MLST8: variants seen among roughly 807,000 people sequenced by gnomAD.
The protein encoded by MLST8 is MTOR associated protein MLST8.
MLST8 carries 20 observed loss-of-function variants against 41.3 expected under a neutral mutation model. The observed-to-expected ratio is 0.48, with a 90% confidence interval of 0.34 to 0.70. The LOEUF (loss-of-function observed/expected upper bound fraction) is 0.70, where lower values mean the gene tolerates loss of function less well. MLST8 is among the 30% of genes least tolerant of loss of function. The probability of loss-of-function intolerance (pLI) is 0.01; values close to 1 mark genes in which losing one functional copy is unlikely to be tolerated. For synonymous variants in MLST8, 243 were observed against 183.0 expected, an observed-to-expected ratio of 1.33 and a Z score of -2.65; for missense variants, 422 against 454.3, an observed-to-expected ratio of 0.93 and a Z score of 0.65.
At chr16:2,208,659 C>T in intron 8 of MLST8, 46 bp downstream of exon 8, 1 of 1,612,278 alleles carries the variant, frequency 6.2e-7, no homozygotes, top group Non-Finnish European at 8.5e-7. Flanking sequence ...CCGGCGCTGG[C>T]CTCCAGAGCC....
chr16:2,208,100 C>A, intron 6 of MLST8, 110 bp from the exon 7 acceptor site: 2 of 1,348,146 alleles, frequency 1.5e-6, no homozygotes, highest in Non-Finnish European at 2.0e-6. Context: ...CTGCCCCTCA[C>A]CCGGGGTCCC....
chr16:2,207,342 C>T lies in MLST8; in HGVS notation c.570C>T (p.Ser190=). ...CCAGCTACATGGCAGCTGTCAATAG[C>T]ACCGTGAGTCCTGGTGGCAGGTGCT... is the stretch of plus-strand genomic sequence containing the variant. ...PDASYMAAVN[S]TGNCYVWNLT... Residue 190 remains serine, a synonymous_variant, in exon 6 of 9, where the codon AGC becomes AGT. Transcript: ENST00000569417. 6.2e-7 allele frequency: 1 copy of T among 1,613,724 alleles called. No homozygotes were observed. Among genetic ancestry groups the T allele is most frequent in the Non-Finnish European group, 8.5e-7 (1 of 1,179,698 alleles).
Position 2,208,479 on chromosome 16 carries a change from C to T in MLST8, c.728C>T (p.Thr243Met), listed in dbSNP as rs755425949. Reference protein sequence around the residue: ...TLLATCSADQTCKIWRTSNFS... With the variant: ...TLLATCSADQMCKIWRTSNFS... ...CTCGCCACCTGCTCGGCTGATCAGACGTGCAAGATCTGGAGGACGTCCAAC... is the reference window on the plus strand; with the variant it reads ...CTCGCCACCTGCTCGGCTGATCAGATGTGCAAGATCTGGAGGACGTCCAAC... The change falls in exon 8 of 9, where the codon ACG (threonine) becomes ATG (methionine). Residue 243 changes from threonine (T) to methionine (M), a missense_variant. By Grantham distance (81) the Thr-to-Met change is moderately conservative. Coordinates refer to ENST00000569417, the MANE Select transcript of MLST8 (RefSeq NM_022372.6). 33 of 1,613,136 alleles carry T rather than the reference C, an allele frequency of 2.0e-5. No individual in the cohort carries two copies. The highest frequency in any genetic ancestry group is 1.3e-4 in the South Asian group (12 of 91,090).
intron 1 of MLST8, chr16:2,205,826 C>A (rs533011343): frequency 2.3e-5 from 27 of 1,180,478 alleles, no homozygotes; most frequent in Non-Finnish European, 2.5e-5. Context: ...GCGCCCCCGC[C>A]GTGTGCGTGG....
At position 2,208,592 on chromosome 16, in the gene MLST8, G is replaced by C. The variant is rs1451606255; in HGVS notation, c.841G>C (p.Asp281His). ...GATGTGGGGCTGCGCCTTCTCGGGG[G>C]ACTCCCAGTACATCGTCACTGGTGA... ...GWMWGCAFSG[D>H]SQYIVTASSD... is the part of the protein sequence containing the mutation. The change falls in exon 8 of 9, where the codon GAC (aspartate) becomes CAC (histidine). Residue 281 changes from aspartate to histidine, a missense_variant. Physicochemically the swap from Asp to His is moderately conservative, Grantham distance 81. Transcript: ENST00000569417. 1 of 1,612,312 alleles carries C rather than the reference G, an allele frequency of 6.2e-7. No individual in the cohort carries two copies. Among genetic ancestry groups the C allele is most frequent in the African/African-American group, 1.3e-5 (1 of 74,898 alleles).
At chr16:2,205,858 C>T in intron 1 of MLST8, 173 bp from the exon 2 acceptor site, 1 of 1,325,772 alleles carries the variant, frequency 7.5e-7, no homozygotes, top group Non-Finnish European at 9.7e-7. Flanking sequence ...AGCACGCGCC[C>T]TGGAGCCCCG....
At chr16:2,205,957 G>C (rs967935671) in intron 1 of MLST8, 74 bp from the exon 2 acceptor site, 41 of 1,457,214 alleles carry the variant, frequency 2.8e-5, no homozygotes, top group Non-Finnish European at 3.5e-5. Flanking sequence ...AGCGCCATTC[G>C]GCAGCGCCTT....
chr16:2,208,379 G>A (rs1444768756), intron 7 of MLST8, 45 bp downstream of exon 7: 32 of 1,605,444 alleles, frequency 2.0e-5, no homozygotes, highest in Non-Finnish European at 2.4e-5. Flanking sequence ...TGCCTGGGCT[G>A]GGGGCTGGAG....
chr16:2,207,291 C>T lies in MLST8; in HGVS notation c.519C>T (p.Ile173=). The T allele has an allele frequency of 6.2e-7, 1 of 1,614,208 alleles. No homozygotes were observed. The highest frequency in any genetic ancestry group is 8.5e-7 in the Non-Finnish European group (1 of 1,180,024). The change falls in exon 6 of 9, where the codon ATC becomes ATT. Residue 173 remains isoleucine (I), a synonymous_variant. Coordinates refer to ENST00000569417, the MANE Select transcript of MLST8 (RefSeq NM_022372.6). ...EQLIPEPEVS[I]TSAHIDPDAS... is the part of the protein sequence containing the mutation. The stretch of plus-strand genomic sequence containing the variant: ...TGATCCCTGAGCCCGAGGTCTCCAT[C>T]ACGTCCGCCCACATCGATCCCGACG...
chr16:2,206,536 A>G lies in MLST8; in HGVS notation c.221A>G (p.Asn74Ser), dbSNP rs754082217. ...HIRMYDLNSN[N>S]PNPIISYDGV... is the part of the protein sequence containing the mutation. ...CGCATGTATGATCTCAACTCCAATA[A>G]CCCTAACCCCATCATCAGCTACGAC... is the stretch of plus-strand genomic sequence containing the variant. Residue 74 changes from asparagine to serine, a missense_variant, in exon 4 of 9, where the codon AAC becomes AGC. Asn to Ser is a conservative substitution (Grantham distance 46, BLOSUM62 1). Transcript: ENST00000569417. The G allele has an allele frequency of 6.2e-7, 1 of 1,613,120 alleles. No individual in the cohort carries two copies. The highest frequency in any genetic ancestry group is 1.1e-5 in the South Asian group (1 of 91,058).
Position 2,209,293 on chromosome 16 carries a change from C to A in MLST8, c.*416C>A. Reference sequence around the variant, plus strand: ...TTATTAGTCCCTGCCAGCAGCTGTCCTCCCTGGTGCAGGTGGCCTGGCCAG... The same window carrying A: ...TTATTAGTCCCTGCCAGCAGCTGTCATCCCTGGTGCAGGTGGCCTGGCCAG... On this transcript the variant is annotated 3_prime_UTR_variant, in exon 9 of 9. Coordinates refer to ENST00000569417, the MANE Select transcript of MLST8 (RefSeq NM_022372.6). The A allele has an allele frequency of 1.4e-6, 2 of 1,398,730 alleles. No homozygotes were observed. The highest frequency in any genetic ancestry group is 1.2e-5 in the South Asian group (1 of 80,956). 86.6% of individuals were successfully genotyped at this position (1,398,730 alleles called of 1,614,324 possible). A position where few individuals can be genotyped will look rare whatever the true frequency, so the allele number is the denominator to read the frequency against.
rs766038118 is a variant in MLST8, at chr16:2,209,214, G to A, written c.*337G>A. The A allele has an allele frequency of 3.9e-4, 307 of 777,746 alleles. No homozygotes were observed. Among genetic ancestry groups the A allele is most frequent in the African/African-American group, 1.6e-4 (9 of 57,182 alleles). The allele number at this position is 777,746 out of a possible 1,614,324, so 48.2% of individuals were successfully genotyped here. On this transcript the variant is annotated 3_prime_UTR_variant, in exon 9 of 9. Transcript: ENST00000569417. ...GTGTTCTCTGCCCCTCCCTGCCCGC[G>A]TTTCAGGGCCTCGGTCCATAGAGAA...
rs987571600 is a variant in MLST8, at chr16:2,208,961, C to T, written c.*84C>T. ...CACCCAGGTCAGAGCAGACCCTCCC[C>T]TGCCGGCCTGCGCCAGCTGGACCTG... On this transcript the variant is annotated 3_prime_UTR_variant, in exon 9 of 9. Coordinates refer to ENST00000569417, the MANE Select transcript of MLST8 (RefSeq NM_022372.6). 2.7e-6 allele frequency: 4 copies of T among 1,460,774 alleles called. No homozygotes were observed. Among genetic ancestry groups the T allele is most frequent in the Non-Finnish European group, 3.8e-6 (4 of 1,057,766 alleles). The allele number at this position is 1,460,774 out of a possible 1,614,324, so 90.5% of individuals were successfully genotyped here.
At chr16:2,205,723 T>G in intron 1 of MLST8, 1 of 1,005,086 alleles carries the variant, frequency 9.9e-7, no homozygotes, top group South Asian at 4.4e-5. Context: ...CCCCGGCCCA[T>G]CCGCCGCCTT....
Position 2,209,001 on chromosome 16 carries a change from C to A in MLST8, c.*124C>A. Reference sequence around the variant, plus strand: ...AGCTGGACCTGATGGCCCCCTGTGGCGCCTTGACCTGCTGGGCCAGGCTGC... The same window carrying A: ...AGCTGGACCTGATGGCCCCCTGTGGAGCCTTGACCTGCTGGGCCAGGCTGC... On this transcript the variant is annotated 3_prime_UTR_variant, in exon 9 of 9. Transcript: ENST00000569417. 1.9e-6 allele frequency: 2 copies of A among 1,071,816 alleles called. No homozygotes were observed. The highest frequency in any genetic ancestry group is 1.4e-5 in the South Asian group (1 of 73,074). 66.4% of individuals were successfully genotyped at this position (1,071,816 alleles called of 1,614,324 possible).
rs533011343 is a variant in MLST8, at chr16:2,205,826, C to T, written c.-55-205C>T. 50 of 1,180,480 alleles carry T rather than the reference C, an allele frequency of 4.2e-5. No homozygotes were observed. In the South Asian group the frequency reaches 1.1e-3, roughly 27 times the overall value. The allele number at this position is 1,180,480 out of a possible 1,614,324, so 73.1% of individuals were successfully genotyped here. A position where few individuals can be genotyped will look rare whatever the true frequency, so the allele number is the denominator to read the frequency against. On this transcript the variant is annotated intron_variant, in intron 1 of 8. Coordinates refer to ENST00000569417, the MANE Select transcript of MLST8 (RefSeq NM_022372.6). ...GGTGGGGGGGGGACGGCGCCCCCGC[C>T]GTGTGCGTGGGGCGGGGATGGAGCA...
At chr16:2,206,866 C>G (rs1596715562) in intron 4 of MLST8, 169 bp from the exon 5 acceptor site, 2 of 1,069,646 alleles carry the variant, frequency 1.9e-6, no homozygotes, top group Non-Finnish European at 2.8e-6. Context: ...TCCCCTTCCA[C>G]CAGCCACTGG....
chr16:2,208,092 G>C, intron 6 of MLST8, 118 bp from the exon 7 acceptor site: 1 of 1,256,500 alleles, frequency 8.0e-7, no homozygotes, highest in East Asian at 2.5e-5. Flanking sequence ...GGGCCTGCCT[G>C]CCCCTCACCC....
rs374170484 is a variant in MLST8 at position 2,207,219 on chromosome 16, C to T, written c.447C>T (p.Ser149=). The T allele has an allele frequency of 1.5e-5, 25 of 1,614,104 alleles. 1 individual carries two copies. The highest frequency in any genetic ancestry group is 1.7e-4 in the Middle Eastern group (1 of 6,060). Reference sequence around the variant, plus strand: ...CAGAGCTCATCGTGGGTGACCAGAGCGGGGCTATCCACATCTGGGACTTGA... The same window carrying T: ...CAGAGCTCATCGTGGGTGACCAGAGTGGGGCTATCCACATCTGGGACTTGA... ...NQAELIVGDQ[S]GAIHIWDLKT... The change falls in exon 6 of 9, where the codon AGC becomes AGT. Residue 149 remains serine, a synonymous_variant. Transcript: ENST00000569417.
Sources: allele counts gnomAD v4.1 joint callset, GRCh38; gene constraint gnomAD v4.1.1; transcripts MANE v1.5; gene names NCBI Gene and HGNC (gene_info 2026-07-23, HGNC 2026-07-21).